NAALADL1: variants seen among roughly 807,000 people sequenced by gnomAD.
The protein encoded by NAALADL1 is aminopeptidase NAALADL1.
In NAALADL1, 77 loss-of-function variants were observed where a neutral mutation model predicts 82.8. The observed-to-expected ratio is 0.93, with a 90% confidence interval of 0.77 to 1.12. The LOEUF is 1.12. Among genes scored for constraint, NAALADL1 ranks in the 50% most tolerant of loss-of-function variants. The probability of loss-of-function intolerance (pLI) is 0.00; values close to 1 mark genes in which losing one functional copy is unlikely to be tolerated. For synonymous variants in NAALADL1, 358 were observed against 399.2 expected (o/e 0.90, Z 1.23); for missense variants, 956 against 964.0 (o/e 0.99, Z 0.11).
rs1946954787 is a variant in NAALADL1 at position 65,053,658 on chromosome 11, G to A, written c.993-82C>T. ...AGTGCAGGAGACACTGAGGCCCGGA[G>A]CTGGAAAGTGACGTGGCAAGGCCAT... On this transcript the variant is annotated intron_variant, in intron 6 of 17. Transcript: ENST00000358658. This position sits in a 1 kb window ranked among gnomAD's most constrained non-coding sequence, Gnocchi z 4.3. The A allele has an allele frequency of 1.6e-6, 2 of 1,270,696 alleles. No individual in the cohort carries two copies. The highest frequency in any genetic ancestry group is 3.0e-5 in the African/African-American group (2 of 66,470). 78.7% of individuals were successfully genotyped at this position (1,270,696 alleles called of 1,614,324 possible).
At chr11:65,050,356 TAGTCCC>T (rs1421994800) in intron 8 of NAALADL1, among the ~76,000 whole-genome samples, 1 of 151,290 alleles carries the variant, frequency 6.6e-6, no homozygotes, top group African/African-American at 2.4e-5. Flanking sequence ...CGGGTGCCTG[TAGTCCC>T]AGCTACTCGG....
At chr11:65,048,126 C>G in intron 10 of NAALADL1, 26 bp downstream of exon 10, 1 of 1,614,154 alleles carries the variant, frequency 6.2e-7, no homozygotes, top group Non-Finnish European at 8.5e-7. Flanking sequence ...CGTCTCCTCC[C>G]CTTTCCTGCC....
chr11:65,047,934 C>A (rs765329501), intron 11 of NAALADL1, 47 bp downstream of exon 11: 40 of 1,523,690 alleles, frequency 2.6e-5, no homozygotes, highest in Middle Eastern at 4.7e-4. Context: ...CCGCCGCACG[C>A]GGCCCGCCCC....
chr11:65,052,951 C>A (rs1179195323), intron 8 of NAALADL1, among the ~76,000 whole-genome samples: 1 of 152,256 alleles, frequency 6.6e-6, no homozygotes, highest in Non-Finnish European at 1.5e-5. Context: ...GAGGGCAGAG[C>A]CTGGGCGCTG....
chr11:65,054,460 C>A lies in NAALADL1; in HGVS notation c.882G>T (p.Leu294=). 1.2e-6 allele frequency: 2 copies of A among 1,614,058 alleles called. No homozygotes were observed. Among genetic ancestry groups the A allele is most frequent in the East Asian group, 2.2e-5 (1 of 44,886 alleles). ...ACCCCAGGGCACAAACTCACCAGAG[C>A]AGGTCTCTTGCATCCTGGAAGCCAA... ...QPIGFQDARD[L]LCNLNGTLAP... Residue 294 remains leucine, a synonymous_variant, in exon 5 of 18, where the codon CTG becomes CTT. Transcript: ENST00000358658. This position sits in a 1 kb window ranked among gnomAD's most constrained non-coding sequence, Gnocchi z 4.3.
chr11:65,047,925 C>T, intron 11 of NAALADL1, 56 bp downstream of exon 11: 5 of 1,504,978 alleles, frequency 3.3e-6, no homozygotes, highest in Non-Finnish European at 4.5e-6. Context: ...CGGCCCCGTC[C>T]GCCGCACGCG....
At position 65,054,583 on chromosome 11, in the gene NAALADL1, A is replaced by C; in HGVS notation, c.759T>G (p.Phe253Leu). 1 of 1,613,808 alleles carries C rather than the reference A, an allele frequency of 6.2e-7. No homozygotes were observed. The highest frequency in any genetic ancestry group is 8.5e-7 in the Non-Finnish European group (1 of 1,179,822). ...GVERGSYYEY[F>L]GDPLTPYLPA... is the part of the protein sequence containing the mutation. ...GAAGGTAGGGAGTCAGAGGGTCCCCAAAATACTCGTAGTAGGAGCCTCGCT... is the reference window on the plus strand; with the variant it reads ...GAAGGTAGGGAGTCAGAGGGTCCCCCAAATACTCGTAGTAGGAGCCTCGCT... The change falls in exon 5 of 18, where the codon TTT becomes TTG. Residue 253 changes from phenylalanine to leucine, a missense_variant. Physicochemically the swap from Phe to Leu is conservative, Grantham distance 22. Transcript: ENST00000358658. The surrounding 1 kb of genome is among the most constrained non-coding windows in gnomAD (Gnocchi z 4.3).
chr11:65,058,400 T>C lies in NAALADL1; in HGVS notation c.122A>G (p.Asp41Gly). Residue 41 changes from aspartate (D) to glycine (G), a missense_variant, in exon 1 of 18, where the codon GAC becomes GGC. Coordinates refer to ENST00000358658, the MANE Select transcript of NAALADL1 (RefSeq NM_005468.3). ...CATGACGGTCTCCAGGATCTCCAGGTCCAGGTCCTGGGGGGCCAGTGAGTT... is the reference window on the plus strand; with the variant it reads ...CATGACGGTCTCCAGGATCTCCAGGCCCAGGTCCTGGGGGGCCAGTGAGTT... ...KANSLAPQDL[D>G]LEILETVMGQ... 6.2e-7 allele frequency: 1 copy of C among 1,614,106 alleles called. No homozygotes were observed. Among genetic ancestry groups the C allele is most frequent in the Non-Finnish European group, 8.5e-7 (1 of 1,179,988 alleles).
chr11:65,046,431 G>T lies in NAALADL1; in HGVS notation c.1681+14C>A, dbSNP rs754013279. Reference sequence around the variant, plus strand: ...CTGTCCTGGTCTCAGGATGCCCCTTGTCTCCCTCCTCACCCGGGTCCAAAA... The same window carrying T: ...CTGTCCTGGTCTCAGGATGCCCCTTTTCTCCCTCCTCACCCGGGTCCAAAA... On this transcript the variant is annotated intron_variant, in intron 14 of 17. Transcript: ENST00000358658. The T allele has an allele frequency of 1.2e-6, 2 of 1,614,090 alleles. No homozygotes were observed. The highest frequency in any genetic ancestry group is 8.5e-7 in the Non-Finnish European group (1 of 1,180,038).
rs1331833116 is a variant in NAALADL1, at chr11:65,058,060, G to T, written c.358+18C>A. On this transcript the variant is annotated intron_variant, in intron 2 of 17. Coordinates refer to ENST00000358658, the MANE Select transcript of NAALADL1 (RefSeq NM_005468.3). ...GCTCCCCACCCCCGGGCATTCCCAA[G>T]ACTGGGCAGGACCTCACCGATGTCC... 1 of 1,611,802 alleles carries T rather than the reference G, an allele frequency of 6.2e-7. No homozygotes were observed. The highest frequency in any genetic ancestry group is 1.1e-5 in the South Asian group (1 of 90,880).
chr11:65,053,100 GC>G lies in NAALADL1; in HGVS notation c.1198+117del. ...GCCAAGGCTGGTGTCATGCATGTCTGCCCCCAGGGCCCTCAGGCATGGCACA... is the reference window on the plus strand; with the variant it reads ...GCCAAGGCTGGTGTCATGCATGTCTGCCCCAGGGCCCTCAGGCATGGCACA... On this transcript the variant is annotated intron_variant, in intron 8 of 17. Coordinates refer to ENST00000358658, the MANE Select transcript of NAALADL1 (RefSeq NM_005468.3). This position sits in a 1 kb window ranked among gnomAD's most constrained non-coding sequence, Gnocchi z 4.3. 1 of 1,301,962 alleles carries G rather than the reference GC, an allele frequency of 7.7e-7. No individual in the cohort carries two copies. 80.7% of individuals were successfully genotyped at this position (1,301,962 alleles called of 1,614,324 possible). A position where few individuals can be genotyped will look rare whatever the true frequency, so the allele number is the denominator to read the frequency against.
Position 65,058,193 on chromosome 11 carries a change from C to A in NAALADL1, c.243G>T (p.Gln81His), listed in dbSNP as rs766368200. Residue 81 changes from glutamine (Q) to histidine (H), a missense_variant, in exon 2 of 18, where the codon CAG becomes CAT. Coordinates refer to ENST00000358658, the MANE Select transcript of NAALADL1 (RefSeq NM_005468.3). The part of the protein sequence containing the change: ...ASSPRDEDLV[Q>H]LLLQRWKDPE... ...GGTCCTTCCAGCGCTGCAGCAGCAG[C>A]TGCACCAGGTCCTCATCCCGAGGGC... The A allele has an allele frequency of 6.2e-7, 1 of 1,613,834 alleles. No homozygotes were observed. Among genetic ancestry groups the A allele is most frequent in the Non-Finnish European group, 8.5e-7 (1 of 1,179,872 alleles).
intron 8 of NAALADL1, among the ~76,000 whole-genome samples, chr11:65,052,139 G>A (rs1033010674): frequency 1.3e-5 from 2 of 152,032 alleles, no homozygotes; most frequent in Non-Finnish European, 2.9e-5. Flanking sequence ...ATGTCGAGTC[G>A]CTTAGACCAC....
In NAALADL1 at chr11:65,054,687, G is replaced by C. The variant is rs896555065; in HGVS notation, c.655C>G (p.Pro219Ala). 2.5e-6 allele frequency: 4 copies of C among 1,613,964 alleles called. No individual in the cohort carries two copies. The highest frequency in any genetic ancestry group is 3.4e-6 in the Non-Finnish European group (4 of 1,180,034). ...GVAGVLVYTD[P>A]ADINDGLSSP... ...CTCAGCCCATCGTTGATGTCGGCAG[G>C]GTCTGTGTACACCAGCACCCCAGCT... The change falls in exon 5 of 18, where the codon CCT (proline) becomes GCT (alanine). Residue 219 changes from proline (P) to alanine (A), a missense_variant. Transcript: ENST00000358658. The surrounding 1 kb of genome is among the most constrained non-coding windows in gnomAD (Gnocchi z 4.3).
chr11:65,057,731 A>G, intron 3 of NAALADL1, 144 bp downstream of exon 3: 1 of 1,332,416 alleles, frequency 7.5e-7, no homozygotes. Context: ...GGAGGAAAGG[A>G]GCAGCGATGG....
intron 8 of NAALADL1, among the ~76,000 whole-genome samples, chr11:65,048,970 G>A (rs919812605): frequency 2.6e-5 from 4 of 152,166 alleles, no homozygotes; most frequent in Non-Finnish European, 4.4e-5. Flanking sequence ...GGTTCAGGCA[G>A]GAGAATCGCT....
chr11:65,051,752 A>C (rs548434984), intron 8 of NAALADL1, among the ~76,000 whole-genome samples: 1 of 152,122 alleles, frequency 6.6e-6, no homozygotes, highest in Non-Finnish European at 1.5e-5. Context: ...TGCCATGCTT[A>C]GCACTCTGGG....
rs1001496584 is a variant in NAALADL1, at chr11:65,053,251, G to C, written c.1165C>G (p.Leu389Val). 7 of 1,553,404 alleles carry C rather than the reference G, an allele frequency of 4.5e-6. No homozygotes were observed. The Admixed American group carries it at 1.4e-4, about 30-fold the overall frequency. Residue 389 changes from leucine (L) to valine (V), a missense_variant, in exon 8 of 18, where the codon CTC (leucine) becomes GTC (valine). Physicochemically the swap from Leu to Val is conservative, Grantham distance 32. Coordinates refer to ENST00000358658, the MANE Select transcript of NAALADL1 (RefSeq NM_005468.3). This position sits in a 1 kb window ranked among gnomAD's most constrained non-coding sequence, Gnocchi z 4.3. ...PSSGTAVLLELSRVLGTLLKK... is the reference protein window; with the variant it reads ...PSSGTAVLLEVSRVLGTLLKK... ...AGCAGGGTCCCCAGGACACGGGAGA[G>C]CTCCAGGAGGACGGCGGTGCCACTG...
rs149864250 is a variant in NAALADL1, at chr11:65,054,345, G to A, written c.897C>T (p.Asn299=). The part of the protein sequence containing the change: ...QDARDLLCNL[N]GTLAPATWQG... ...GCCAGGTGGCTGGGGCCAAAGTTCC[G>A]TTGAGGTTACTGGGGAGGAGGAAGA... is the stretch of plus-strand genomic sequence containing the variant. The change falls in exon 6 of 18, where the codon AAC becomes AAT. Residue 299 remains asparagine (N), a synonymous_variant. Coordinates refer to ENST00000358658, the MANE Select transcript of NAALADL1 (RefSeq NM_005468.3). The surrounding 1 kb of genome is among the most constrained non-coding windows in gnomAD (Gnocchi z 4.3). 6.5e-4 allele frequency: 1,053 copies of A among 1,614,038 alleles called. 5 individuals carry two copies. Among genetic ancestry groups the A allele is most frequent in the Middle Eastern group, 6.6e-4 (4 of 6,060 alleles).
Sources: gnomAD v4.1 joint callset for allele counts (sites outside exome capture counted in the v4.1 genomes callset) on GRCh38, gnomAD v4.1.1 for gene constraint, Gnocchi (gnomAD v3.1) non-coding constraint, MANE v1.5 for transcripts, NCBI Gene and HGNC (gene_info 2026-07-23, HGNC 2026-07-21) for gene names.